TBC1D22A: variants seen among roughly 807,000 people sequenced by gnomAD.
TBC1D22A encodes the protein TBC1 domain family member 22A, also known as putative GTPase activator.
A neutral mutation model predicts 60.2 loss-of-function variants in TBC1D22A; 38 were observed. The observed-to-expected ratio is 0.63, with a 90% CI of 0.49 to 0.83. TBC1D22A has a LOEUF of 0.83. TBC1D22A is among the 40% of genes least tolerant of loss of function. The pLI, the probability that TBC1D22A is intolerant of heterozygous loss-of-function variation, is 0.00. For synonymous variants in TBC1D22A, 302 were observed against 281.7 expected (o/e 1.07, Z -0.72); for missense variants, 628 against 701.0 (o/e 0.90, Z 1.18).
At chr22:47,169,185 G>A (rs754671684) in intron 12 of TBC1D22A, among the ~76,000 whole-genome samples, 5 of 152,236 alleles carry the variant, frequency 3.3e-5, no homozygotes, top group African/African-American at 9.6e-5. Context: ...TTGCCTGCAT[G>A]GTGGTGTGTG....
chr22:47,098,988 C>T (rs2065301486), intron 11 of TBC1D22A, among the ~76,000 whole-genome samples: 1 of 152,202 alleles, frequency 6.6e-6, no homozygotes, highest in African/African-American at 2.4e-5. Flanking sequence ...ACTGCGGGGG[C>T]TCCTGAAGAT....
At chr22:47,156,933 T>C (rs2067743075) in intron 12 of TBC1D22A, among the ~76,000 whole-genome samples, 1 of 152,192 alleles carries the variant, frequency 6.6e-6, no homozygotes. Flanking sequence ...CCATGAACCT[T>C]GGAGGCTTCC....
chr22:46,920,073 A>ATGTATGTT, intron 8 of TBC1D22A, among the ~76,000 whole-genome samples: 1 of 151,544 alleles, frequency 6.6e-6, no homozygotes, highest in Admixed American at 6.6e-5. Context: ...GTATGTATGT[A>ATGTATGTT]TGTATGTATG....
intron 4 of TBC1D22A, among the ~76,000 whole-genome samples, chr22:46,819,601 T>C (rs1479526544): frequency 3.3e-5 from 5 of 152,240 alleles, no homozygotes; most frequent in Admixed American, 3.3e-4. Flanking sequence ...CTGATCATGG[T>C]GGATAAGCTT....
At chr22:47,083,792 A>G (rs1230387817) in intron 11 of TBC1D22A, among the ~76,000 whole-genome samples, 1 of 152,214 alleles carries the variant, frequency 6.6e-6, no homozygotes, top group Non-Finnish European at 1.5e-5. Context: ...GAAGTACTCA[A>G]CATTACTCAT....
intron 4 of TBC1D22A, among the ~76,000 whole-genome samples, chr22:46,825,359 C>CA (rs1177256206): frequency 2.6e-5 from 4 of 152,154 alleles, no homozygotes; most frequent in African/African-American, 9.7e-5. Context: ...AGGGGACCCG[C>CA]AATGGCTCTG....
chr22:46,852,342 C>T (rs941510963), intron 4 of TBC1D22A, among the ~76,000 whole-genome samples: 13 of 152,342 alleles, frequency 8.5e-5, no homozygotes, highest in Admixed American at 2.6e-4. Flanking sequence ...CCCAGGGTGG[C>T]GGCTGCTGCT....
At chr22:46,842,852 G>T (rs558152437) in intron 4 of TBC1D22A, among the ~76,000 whole-genome samples, 1 of 152,218 alleles carries the variant, frequency 6.6e-6, no homozygotes, top group Non-Finnish European at 1.5e-5. Flanking sequence ...CCCAGGGCAT[G>T]CCTTGACAGC....
intron 10 of TBC1D22A, among the ~76,000 whole-genome samples, chr22:47,016,794 T>A (rs532407863): frequency 6.6e-6 from 1 of 152,350 alleles, no homozygotes; most frequent in Admixed American, 6.5e-5. Context: ...TCATCGTGTC[T>A]CTGCCTGCCT....
At chr22:47,071,673 T>G (rs1034740668) in intron 11 of TBC1D22A, among the ~76,000 whole-genome samples, 5 of 152,256 alleles carry the variant, frequency 3.3e-5, no homozygotes, top group African/African-American at 1.2e-4. Context: ...TGGTTTGATC[T>G]GTCAATCCAG....
chr22:47,147,626 T>TA (rs1182552211), intron 12 of TBC1D22A, among the ~76,000 whole-genome samples: 2 of 152,228 alleles, frequency 1.3e-5, no homozygotes, highest in Non-Finnish European at 1.5e-5. Flanking sequence ...CTTCCATCCA[T>TA]ACGTTGGTCG....
At chr22:47,030,998 G>T (rs766629378) in intron 10 of TBC1D22A, among the ~76,000 whole-genome samples, 1 of 152,210 alleles carries the variant, frequency 6.6e-6, no homozygotes, top group African/African-American at 2.4e-5. Context: ...GACCACTTCC[G>T]TGTGAAGAAG....
chr22:47,169,252 C>T (rs986508523), intron 12 of TBC1D22A, among the ~76,000 whole-genome samples: 12 of 152,196 alleles, frequency 7.9e-5, no homozygotes, highest in Non-Finnish European at 1.5e-4. Context: ...CCACCCCCAC[C>T]GGCCCTCAAC....
intron 11 of TBC1D22A, among the ~76,000 whole-genome samples, chr22:47,054,644 C>A (rs892953385): frequency 6.6e-6 from 1 of 152,176 alleles, no homozygotes; most frequent in Non-Finnish European, 1.5e-5. Flanking sequence ...GCACTCATTT[C>A]CCCCTTGCTG....
chr22:46,915,276 G>A (rs1295825578), intron 8 of TBC1D22A: 2 of 398,556 alleles, frequency 5.0e-6, no homozygotes, highest in Non-Finnish European at 1.0e-5. Context: ...CAGAGGCACG[G>A]GTGCCCTCCA....
chr22:46,947,413 A>T (rs2072615564), intron 8 of TBC1D22A, among the ~76,000 whole-genome samples: 1 of 152,190 alleles, frequency 6.6e-6, no homozygotes, highest in Non-Finnish European at 1.5e-5. Context: ...TGCGCATTAA[A>T]GGTGGACGGT....
chr22:47,084,571 A>C (rs546696088), intron 11 of TBC1D22A, among the ~76,000 whole-genome samples: 1 of 152,202 alleles, frequency 6.6e-6, no homozygotes, highest in Non-Finnish European at 1.5e-5. Flanking sequence ...GAAAATGTGC[A>C]CGCGGATTCC....
chr22:46,816,257 C>G (rs1311441125), intron 4 of TBC1D22A, among the ~76,000 whole-genome samples: 1 of 152,202 alleles, frequency 6.6e-6, no homozygotes, highest in Non-Finnish European at 1.5e-5. Context: ...CTCGTTCCCC[C>G]ACACTTTGGT....
chr22:47,158,403 A>C (rs2067807714), intron 12 of TBC1D22A, among the ~76,000 whole-genome samples: 1 of 152,200 alleles, frequency 6.6e-6, no homozygotes, highest in Non-Finnish European at 1.5e-5. Context: ...GGAACACAAA[A>C]AAAGAAGAAA....
Sources: allele counts gnomAD v4.1 joint callset (sites outside exome capture counted in the v4.1 genomes callset), GRCh38; gene constraint gnomAD v4.1.1; transcripts MANE v1.5; gene names NCBI Gene and HGNC (gene_info 2026-07-23, HGNC 2026-07-21).